A1CF: variants seen among roughly 807,000 people sequenced by gnomAD.
A1CF encodes the protein APOBEC-1 stimulating protein.
In A1CF, 48 loss-of-function variants were observed where a neutral mutation model predicts 68.9. The observed-to-expected ratio is 0.70, with a 90% CI of 0.55 to 0.89. The LOEUF (loss-of-function observed/expected upper bound fraction) is 0.89, where lower values mean the gene tolerates loss of function less well. Among genes scored for constraint, A1CF ranks in the 40% least tolerant of loss-of-function variants. The pLI is 0.00. For synonymous variants in A1CF, 272 were observed against 260.4 expected (o/e 1.04, Z -0.43); for missense variants, 653 against 718.9 (o/e 0.91, Z 1.05).
chr10:50,876,218 G>A (rs768450570), intron 1 of A1CF, among the ~76,000 whole-genome samples: 2 of 152,212 alleles, frequency 1.3e-5, no homozygotes, highest in Admixed American at 6.5e-5. Context: ...ACATGAATAC[G>A]TATATACACA....
intron 10 of A1CF, 124 bp downstream of exon 10, chr10:50,813,733 G>A (rs903284162): frequency 3.3e-6 from 3 of 917,564 alleles, no homozygotes; most frequent in Non-Finnish European, 5.0e-6. Flanking sequence ...TTCATTGGAT[G>A]CTTTATATAT....
intron 3 of A1CF, among the ~76,000 whole-genome samples, chr10:50,847,906 C>G (rs1226007616): frequency 6.6e-6 from 1 of 152,052 alleles, no homozygotes; most frequent in Non-Finnish European, 1.5e-5. Flanking sequence ...AAAAGCTTAC[C>G]CTTGAATTGG....
chr10:50,839,290 A>G (rs1317827592), intron 5 of A1CF, among the ~76,000 whole-genome samples: 1 of 152,180 alleles, frequency 6.6e-6, no homozygotes, highest in Non-Finnish European at 1.5e-5. Context: ...TTCCATATCT[A>G]TCTCAACTCA....
intron 10 of A1CF, among the ~76,000 whole-genome samples, chr10:50,812,899 C>T (rs1838185243): frequency 6.6e-6 from 1 of 152,114 alleles, no homozygotes; most frequent in South Asian, 2.1e-4. Flanking sequence ...CTGGGTGGGG[C>T]TAGCAGAAAC....
intron 1 of A1CF, among the ~76,000 whole-genome samples, chr10:50,874,961 C>T (rs1179994335): frequency 6.6e-6 from 1 of 152,134 alleles, no homozygotes; most frequent in East Asian, 1.9e-4. Context: ...CAGGAAATGA[C>T]AGATTTTAAA....
At chr10:50,855,634 C>T (rs1054759885) in intron 3 of A1CF, among the ~76,000 whole-genome samples, 1 of 151,908 alleles carries the variant, frequency 6.6e-6, no homozygotes, top group African/African-American at 2.4e-5. Context: ...GCATCAGTTG[C>T]TACATAAAAG....
chr10:50,851,229 A>G (rs1280047205), intron 3 of A1CF, among the ~76,000 whole-genome samples: 1 of 152,172 alleles, frequency 6.6e-6, no homozygotes, highest in East Asian at 1.9e-4. Context: ...TCTATGAAGG[A>G]GTAGGAGGGT....
intron 8 of A1CF, among the ~76,000 whole-genome samples, chr10:50,819,236 C>T (rs181555920): frequency 2.6e-5 from 4 of 152,248 alleles, no homozygotes; most frequent in Admixed American, 1.3e-4. Context: ...AGAGATCCTC[C>T]CACCTCAGCC....
At chr10:50,807,270 G>T (rs908864898) in intron 12 of A1CF, among the ~76,000 whole-genome samples, 1 of 152,276 alleles carries the variant, frequency 6.6e-6, no homozygotes, top group Non-Finnish European at 1.5e-5. Flanking sequence ...GGCTGGCTGG[G>T]CATGGTATGT....
Position 50,799,773 on chromosome 10 carries a change from G to T in A1CF, c.*6956C>A, listed in dbSNP as rs1345351751. 4 of 151,980 alleles carry T rather than the reference G, an allele frequency of 2.6e-5. No homozygotes were observed. The highest frequency in any genetic ancestry group is 5.9e-5 in the Non-Finnish European group (4 of 67,932). 9.4% of individuals were successfully genotyped at this position (151,980 alleles called of 1,614,324 possible). A position where few individuals can be genotyped will look rare whatever the true frequency, so the allele number is the denominator to read the frequency against. On this transcript the variant is annotated 3_prime_UTR_variant, in exon 13 of 13. Coordinates refer to ENST00000373997, the MANE Select transcript of A1CF (RefSeq NM_014576.4). ...AGAAGAAAGAGATTGTTAAACATCT[G>T]GAAACTATAAATGCATTTTGCTGAC...
At chr10:50,872,989 T>C in intron 1 of A1CF, among the ~76,000 whole-genome samples, 1 of 124,056 alleles carries the variant, frequency 8.1e-6, no homozygotes, top group African/African-American at 3.0e-5. Context: ...AGAATCTCGC[T>C]CTATCACCCA....
rs374608202 is a variant in A1CF, at chr10:50,853,456, C to A, written c.99+6386G>T. On this transcript the variant is annotated intron_variant, in intron 3 of 12. Transcript: ENST00000373997. ...TGGTTTATCACATTCTTGACACTTACCATGATCTGTAATTACTTTGCTTGT... is the reference window on the plus strand; with the variant it reads ...TGGTTTATCACATTCTTGACACTTAACATGATCTGTAATTACTTTGCTTGT... Among the ~76,000 whole-genome samples, 5 of 152,100 alleles carry A rather than the reference C, an allele frequency of 3.3e-5. No individual in the cohort carries two copies. In the South Asian group the frequency reaches 1.0e-3, roughly 32 times the overall value.
chr10:50,812,905 G>C (rs1371521534), intron 10 of A1CF, among the ~76,000 whole-genome samples: 1 of 152,162 alleles, frequency 6.6e-6, no homozygotes, highest in Non-Finnish European at 1.5e-5. Flanking sequence ...GGGGCTAGCA[G>C]AAACCTTAGA....
intron 1 of A1CF, among the ~76,000 whole-genome samples, chr10:50,872,004 T>C (rs887889662): frequency 2.0e-5 from 3 of 152,062 alleles, no homozygotes; most frequent in Non-Finnish European, 2.9e-5. Context: ...TTGTTATTTA[T>C]ATAATAGATA....
At chr10:50,836,345 A>C (rs1283117744) in intron 5 of A1CF, 33 bp from the exon 6 acceptor site, 1 of 1,595,302 alleles carries the variant, frequency 6.3e-7, no homozygotes, top group Non-Finnish European at 8.5e-7. Context: ...GATTGATGAG[A>C]ATCCTTGTAG....
chr10:50,866,906 G>A (rs1411645617), intron 1 of A1CF, among the ~76,000 whole-genome samples: 2 of 152,016 alleles, frequency 1.3e-5, no homozygotes, highest in African/African-American at 2.4e-5. Context: ...AATAGAGATG[G>A]GGCTAGCTAT....
rs1366502604 is a variant in A1CF at position 50,813,861 on chromosome 10, G to A, written c.1319C>T (p.Pro440Leu). 1.2e-6 allele frequency: 2 copies of A among 1,613,318 alleles called. No individual in the cohort carries two copies. The highest frequency in any genetic ancestry group is 1.7e-6 in the Non-Finnish European group (2 of 1,179,504). The change falls in exon 10 of 13, where the codon CCC (proline) becomes CTC (leucine). Residue 440 changes from proline to leucine, a missense_variant. Transcript: ENST00000373997. ...TTCTGGAATAACATTACCTACCTGG[G>A]GAGCGAGTTTAATTCCTTGGGGTTT... Reference protein sequence around the residue: ...TLKPQGIKLAPQILEEICQKN... With the variant: ...TLKPQGIKLALQILEEICQKN...
intron 6 of A1CF, 92 bp from the exon 7 acceptor site, chr10:50,828,387 C>T: frequency 9.5e-7 from 1 of 1,052,942 alleles, no homozygotes. Context: ...ATTGACCTGA[C>T]CCTTGAGGTC....
intron 1 of A1CF, among the ~76,000 whole-genome samples, chr10:50,873,827 G>T (rs985825471): frequency 6.6e-6 from 1 of 152,040 alleles, no homozygotes; most frequent in Non-Finnish European, 1.5e-5. Flanking sequence ...TGGAAAAATT[G>T]CACTGTAATG....
Sources: gnomAD v4.1 joint callset for allele counts (sites outside exome capture counted in the v4.1 genomes callset) on GRCh38, gnomAD v4.1.1 for gene constraint, MANE v1.5 for transcripts, NCBI Gene and HGNC (gene_info 2026-07-23, HGNC 2026-07-21) for gene names.